The following GPR26 variants were observed in gnomAD, a reference collection of about 807,000 sequenced individuals.
GPR26 encodes G protein-coupled receptor 26.
In GPR26, 15 loss-of-function variants were observed where a neutral mutation model predicts 23.1. The ratio of observed to expected loss-of-function variants is 0.65; its 90% CI spans 0.43 to 1.00. GPR26 has a LOEUF of 1.00. Ranked by LOEUF, GPR26 falls within the 50% of genes least tolerant of loss-of-function variation. The pLI, the probability that GPR26 is intolerant of heterozygous loss-of-function variation, is 0.00. For synonymous variants in GPR26, 228 were observed against 222.1 expected (o/e 1.03, Z -0.24); for missense variants, 359 against 470.5 (o/e 0.76, Z 2.19).
rs1185269876 is a variant in GPR26 at position 123,674,854 on chromosome 10, G to A, written c.705G>A (p.Arg235=). The A allele has an allele frequency of 4.3e-6, 7 of 1,613,256 alleles. No homozygotes were observed. In the African/African-American group the frequency reaches 9.4e-5, roughly 22 times the overall value. The part of the protein sequence containing the change: ...RERCLEEQKR[R]RQRATKKIST... ...GCTGTCTGGAGGAGCAGAAGCGGAG[G>A]CGACAGCGAGCCACCAAGAAGATCA... The change falls in exon 2 of 3, where the codon AGG becomes AGA. Residue 235 remains arginine (R), a synonymous_variant. Coordinates refer to ENST00000284674, the MANE Select transcript of GPR26 (RefSeq NM_153442.4). The surrounding 1 kb of genome is among the most constrained non-coding windows in gnomAD (Gnocchi z 4.1).
intron 1 of GPR26, among the ~76,000 whole-genome samples, chr10:123,672,681 A>G (rs1845264876): frequency 1.3e-5 from 2 of 152,240 alleles, no homozygotes; most frequent in Non-Finnish European, 2.9e-5. Flanking sequence ...CCCCAGAGTC[A>G]GAAGGTCTGG....
At chr10:123,676,522 T>G (rs978525387) in intron 2 of GPR26, among the ~76,000 whole-genome samples, 1 of 152,142 alleles carries the variant, frequency 6.6e-6, no homozygotes. Context: ...TTCTAAATTT[T>G]GATAACTAAA....
chr10:123,687,416 T>G, intron 2 of GPR26, among the ~76,000 whole-genome samples: 1 of 152,176 alleles, frequency 6.6e-6, no homozygotes, highest in Non-Finnish European at 1.5e-5. Flanking sequence ...CACCTTTTTG[T>G]TTTTCACATG....
At chr10:123,679,423 C>T (rs909321760) in intron 2 of GPR26, among the ~76,000 whole-genome samples, 36 of 152,198 alleles carry the variant, frequency 2.4e-4, no homozygotes, top group African/African-American at 8.0e-4. Flanking sequence ...ACGTTAGAAT[C>T]GCCTGGAGAG....
intron 1 of GPR26, among the ~76,000 whole-genome samples, chr10:123,667,319 A>G (rs1589921959): frequency 6.6e-6 from 1 of 152,290 alleles, no homozygotes; most frequent in Admixed American, 6.5e-5. Flanking sequence ...TAGAAATCAC[A>G]GACAGTCAGA....
rs1357717531 is a variant in GPR26 at position 123,674,014 on chromosome 10, A to G, written c.669-804A>G. ...CTTTTCTTGCCCAGGCTGAAGGGCA[A>G]TGACACGGTCTCAGCTCACTGCAAC... On this transcript the variant is annotated intron_variant, in intron 1 of 2. Coordinates refer to ENST00000284674, the MANE Select transcript of GPR26 (RefSeq NM_153442.4). The surrounding 1 kb of genome is among the most constrained non-coding windows in gnomAD (Gnocchi z 4.1). Among the ~76,000 whole-genome samples, 3 of 151,890 alleles carry G rather than the reference A, an allele frequency of 2.0e-5. No homozygotes were observed. Among genetic ancestry groups the G allele is most frequent in the African/African-American group, 7.3e-5 (3 of 41,314 alleles).
intron 2 of GPR26, 123 bp downstream of exon 2, chr10:123,675,054 AG>A: frequency 1.6e-6 from 1 of 628,150 alleles, no homozygotes. Flanking sequence ...GGGGGGCAAG[AG>A]TGAACTTGCC....
chr10:123,678,237 G>A (rs1379035049), intron 2 of GPR26, among the ~76,000 whole-genome samples: 1 of 152,164 alleles, frequency 6.6e-6, no homozygotes, highest in East Asian at 1.9e-4. Context: ...CTCTCTGTCA[G>A]CCCTCACTGG....
rs1845523015 is a variant in GPR26 at position 123,694,622 on chromosome 10, A to G, written c.*6462A>G. 6.6e-6 allele frequency: 1 copy of G among 151,688 alleles called. No individual in the cohort carries two copies. Among genetic ancestry groups the G allele is most frequent in the Non-Finnish European group, 1.5e-5 (1 of 67,886 alleles). 9.4% of individuals were successfully genotyped at this position (151,688 alleles called of 1,614,324 possible). On this transcript the variant is annotated 3_prime_UTR_variant, in exon 3 of 3. Transcript: ENST00000284674. ...GGAAGAAGGAGAGAAGGAAGGAAAA[A>G]CAAAGGAAGGAGAAAAAGGGAAGGA...
At position 123,696,318 on chromosome 10, in the gene GPR26, C is replaced by G. The variant is rs922892617; in HGVS notation, c.*8158C>G. On this transcript the variant is annotated 3_prime_UTR_variant, in exon 3 of 3. Coordinates refer to ENST00000284674, the MANE Select transcript of GPR26 (RefSeq NM_153442.4). Reference sequence around the variant, plus strand: ...AGGACAGCTGGCTAAATGCTATCCTCAGTCCTCCTGGAGGCTCCTAGTAAT... The same window carrying G: ...AGGACAGCTGGCTAAATGCTATCCTGAGTCCTCCTGGAGGCTCCTAGTAAT... Among the ~76,000 whole-genome samples, 6 of 152,194 alleles carry G rather than the reference C, an allele frequency of 3.9e-5. No individual in the cohort carries two copies. Among genetic ancestry groups the G allele is most frequent in the Non-Finnish European group, 5.9e-5 (4 of 68,042 alleles).
At chr10:123,685,276 T>G (rs895721253) in intron 2 of GPR26, among the ~76,000 whole-genome samples, 2 of 152,088 alleles carry the variant, frequency 1.3e-5, no homozygotes, top group Admixed American at 6.5e-5. Context: ...CTGGAAGGGA[T>G]CTGGTGCTCA....
At chr10:123,677,362 G>A (rs560819559) in intron 2 of GPR26, among the ~76,000 whole-genome samples, 9 of 152,222 alleles carry the variant, frequency 5.9e-5, no homozygotes, top group South Asian at 4.2e-4. Flanking sequence ...CACCTTACCC[G>A]GGAGAGAAGC....
rs886124729 is a variant in GPR26 at position 123,674,861 on chromosome 10, C to T, written c.712C>T (p.Arg238Ter). Residue 238 changes from arginine to a stop codon, truncating the protein, a stop_gained, in exon 2 of 3, where the codon CGA (arginine) becomes TGA (stop). Transcript: ENST00000284674. LOFTEE classifies it high-confidence loss of function. This position sits in a 1 kb window ranked among gnomAD's most constrained non-coding sequence, Gnocchi z 4.1. ...CLEEQKRRRQ[R>*]ATKKISTFIG... ...GGAGGAGCAGAAGCGGAGGCGACAG[C>T]GAGCCACCAAGAAGATCAGCACCTT... The T allele has an allele frequency of 1.2e-6, 2 of 1,613,236 alleles. No homozygotes were observed. The highest frequency in any genetic ancestry group is 1.7e-6 in the Non-Finnish European group (2 of 1,179,798).
rs1845539047 is a variant in GPR26 at position 123,695,922 on chromosome 10, C to T, written c.*7762C>T. Among the ~76,000 whole-genome samples the T allele has an allele frequency of 6.6e-6, 1 of 152,248 alleles. No individual in the cohort carries two copies. The highest frequency in any genetic ancestry group is 2.1e-4 in the South Asian group (1 of 4,826). ...GCCACCAACCCCATCAGGATTTCCC[C>T]AGGGGAAAATGGCTAACTCTGGATC... On this transcript the variant is annotated 3_prime_UTR_variant, in exon 3 of 3. Transcript: ENST00000284674.
chr10:123,672,578 C>T (rs1225768414), intron 1 of GPR26, among the ~76,000 whole-genome samples: 1 of 152,300 alleles, frequency 6.6e-6, no homozygotes, highest in East Asian at 1.9e-4. Flanking sequence ...TTGGCACAGT[C>T]TCTGGTTACA....
rs1276228679 is a variant in GPR26 at position 123,666,946 on chromosome 10, G to A, written c.539G>A (p.Ser180Asn). ...AVFTGAFHAL[S>N]FLLSFVVLCC... ...TTCACTGGCGCCTTCCACGCTCTCA[G>A]CTTCCTGCTCTCCTTCGTCGTGCTC... The change falls in exon 1 of 3, where the codon AGC becomes AAC. Residue 180 changes from serine to asparagine, a missense_variant. Ser to Asn is a conservative substitution (Grantham distance 46). Transcript: ENST00000284674. 6.2e-7 allele frequency: 1 copy of A among 1,613,658 alleles called. No homozygotes were observed. The highest frequency in any genetic ancestry group is 8.5e-7 in the Non-Finnish European group (1 of 1,179,988).
rs1845526236 is a variant in GPR26, at chr10:123,694,954, C to T, written c.*6794C>T. On this transcript the variant is annotated 3_prime_UTR_variant, in exon 3 of 3. Transcript: ENST00000284674. ...GAATGTTTGTCTTCGGTAGGGAGTG[C>T]CACACATTTAATATCAATGCAGGGT... is the stretch of plus-strand genomic sequence containing the variant. Among the ~76,000 whole-genome samples the T allele has an allele frequency of 6.6e-6, 1 of 152,140 alleles. No individual in the cohort carries two copies. The highest frequency in any genetic ancestry group is 2.1e-4 in the South Asian group (1 of 4,822).
rs778972364 is a variant in GPR26 at position 123,667,086 on chromosome 10, C to A, written c.668+11C>A. 3.2e-6 allele frequency: 5 copies of A among 1,566,026 alleles called. No homozygotes were observed. Among genetic ancestry groups the A allele is most frequent in the Non-Finnish European group, 3.5e-6 (4 of 1,154,644 alleles). ...GGACCTGCACCCCAGGTGAGCCGAGCGCAGCTAAGGCTCTGGGAACAGCCG... is the reference window on the plus strand; with the variant it reads ...GGACCTGCACCCCAGGTGAGCCGAGAGCAGCTAAGGCTCTGGGAACAGCCG... On this transcript the variant is annotated intron_variant, in intron 1 of 2. Coordinates refer to ENST00000284674, the MANE Select transcript of GPR26 (RefSeq NM_153442.4).
In GPR26 at chr10:123,697,142, T is replaced by A. The variant is rs750585611; in HGVS notation, c.*8982T>A. On this transcript the variant is annotated 3_prime_UTR_variant, in exon 3 of 3. Transcript: ENST00000284674. ...CTATTAAACATAAGTATGGCTCCATTTTTTTAGTATTACCAGAAGCCCTCC... is the reference window on the plus strand; with the variant it reads ...CTATTAAACATAAGTATGGCTCCATATTTTTAGTATTACCAGAAGCCCTCC... Among the ~76,000 whole-genome samples the A allele has an allele frequency of 3.3e-5, 5 of 152,208 alleles. No homozygotes were observed. The highest frequency in any genetic ancestry group is 7.3e-5 in the Non-Finnish European group (5 of 68,042).
Sources: allele counts gnomAD v4.1 joint callset (sites outside exome capture counted in the v4.1 genomes callset), GRCh38; gene constraint gnomAD v4.1.1; non-coding constraint Gnocchi (gnomAD v3.1); transcripts MANE v1.5; gene names NCBI Gene and HGNC (gene_info 2026-07-23, HGNC 2026-07-21).